DNAH3: variants seen among roughly 807,000 people sequenced by gnomAD.
The protein encoded by DNAH3 is axonemal beta dynein heavy chain 3.
In DNAH3, 332 loss-of-function variants were observed where a neutral mutation model predicts 432.5. That is an observed-to-expected ratio of 0.77 (90% CI 0.70 to 0.84). The LOEUF is 0.84. DNAH3 is among the 40% of genes least tolerant of loss of function. DNAH3 has a pLI of 0.00. For missense variants in DNAH3, 4,861 were observed against 5,114.0 expected, an observed-to-expected ratio of 0.95 and a Z score of 1.51; for synonymous variants, 1,956 against 1,900.2, an observed-to-expected ratio of 1.03 and a Z score of -0.76.
At chr16:21,109,122 CAAA>C (rs201303338) in intron 14 of DNAH3, among the ~76,000 whole-genome samples, 9 of 62,346 alleles carry the variant, frequency 1.4e-4, no homozygotes, top group Non-Finnish European at 1.4e-4. Context: ...GACTCTGTCT[CAAA>C]AAAAAAAAAA....
intron 1 of DNAH3, among the ~76,000 whole-genome samples, chr16:21,153,077 G>A (rs1271289797): frequency 6.6e-6 from 1 of 152,250 alleles, no homozygotes; most frequent in Non-Finnish European, 1.5e-5. Flanking sequence ...TGATGGGGAC[G>A]TGGAGAACCT....
chr16:20,965,180 C>T (rs1046359535), exon 53 of DNAH3: 5 of 1,614,058 alleles, frequency 3.1e-6, no homozygotes, highest in Non-Finnish European at 4.2e-6. Flanking sequence ...CGTTTGGGAG[C>T]CACCACCTTG....
chr16:21,020,441 C>T (rs1342759953), intron 40 of DNAH3, among the ~76,000 whole-genome samples: 11 of 109,932 alleles, frequency 1.0e-4, no homozygotes, highest in East Asian at 2.9e-4. Flanking sequence ...CTAGCTCTGT[C>T]GCCCATGCTG....
At chr16:21,016,846 G>GT (rs1338119428) in intron 41 of DNAH3, among the ~76,000 whole-genome samples, 1 of 152,150 alleles carries the variant, frequency 6.6e-6, no homozygotes, top group Non-Finnish European at 1.5e-5. Flanking sequence ...ATTCTGACAC[G>GT]TGCTACAACA....
At position 20,979,550 on chromosome 16, in the gene DNAH3, C is replaced by A; in HGVS notation, c.7860-4G>T. The A allele has an allele frequency of 6.2e-7, 1 of 1,613,918 alleles. No homozygotes were observed. Among genetic ancestry groups the A allele is most frequent in the Non-Finnish European group, 8.5e-7 (1 of 1,179,942 alleles). The stretch of plus-strand genomic sequence containing the variant: ...ATATTTGCACATGGACACGACCCTG[C>A]CGAGGACACCAAGGCGGTTAGGCAG... On this transcript the variant is annotated splice_region_variant and splice_polypyrimidine_tract_variant and intron_variant, in intron 49 of 61. Coordinates refer to ENST00000261383, the Ensembl canonical transcript of DNAH3.
At chr16:21,127,937 A>T in intron 7 of DNAH3, 125 bp from the exon 9 acceptor site, 1 of 1,179,360 alleles carries the variant, frequency 8.5e-7, no homozygotes, top group South Asian at 1.4e-5. Context: ...AATGAATTAC[A>T]GGATATGGGA....
At chr16:21,024,600 T>A in exon 39 of DNAH3, 1 of 1,605,784 alleles carries the variant, frequency 6.2e-7, no homozygotes, top group Non-Finnish European at 8.5e-7. Flanking sequence ...GCTCACCAAT[T>A]CTTTGTGCTC....
chr16:21,019,884 A>G lies in DNAH3; in HGVS notation c.5777-15T>C, dbSNP rs2088069423. 1.2e-6 allele frequency: 2 copies of G among 1,613,062 alleles called. No individual in the cohort carries two copies. The highest frequency in any genetic ancestry group is 4.5e-5 in the East Asian group (2 of 44,876). Reference sequence around the variant, plus strand: ...CCTGATTTCATCTAAAAGTGAGAAAAGCGAATCTCAGGACAGAGTGCAGAA... The same window carrying G: ...CCTGATTTCATCTAAAAGTGAGAAAGGCGAATCTCAGGACAGAGTGCAGAA... On this transcript the variant is annotated splice_polypyrimidine_tract_variant and intron_variant, in intron 40 of 61. Transcript: ENST00000261383.
At chr16:20,973,632 C>A (rs992430543) in intron 51 of DNAH3, among the ~76,000 whole-genome samples, 1 of 152,196 alleles carries the variant, frequency 6.6e-6, no homozygotes, top group Non-Finnish European at 1.5e-5. Flanking sequence ...GTGAAATATA[C>A]AACATCACAT....
chr16:21,111,903 T>C (rs1406881476), intron 13 of DNAH3, 90 bp downstream of exon 13: 5 of 1,552,582 alleles, frequency 3.2e-6, no homozygotes, highest in Non-Finnish European at 4.4e-6. Context: ...ATGCTGAGCA[T>C]GGTCTATGCA....
rs2092423310 is a variant in DNAH3, at chr16:21,125,240, G to A, written c.1339C>T (p.Leu447=). The A allele has an allele frequency of 1.9e-6, 3 of 1,613,912 alleles. No homozygotes were observed. In the East Asian group the frequency reaches 6.7e-5, roughly 36 times the overall value. ...TTAATGACCAGCTCCCTAAGCTGCA[G>A]CGACATGAATGATGCCACAGAAGCA... The change falls in exon 9 of 62, where the codon CTG becomes TTG. Residue 447 remains leucine (L), a synonymous_variant. Coordinates refer to ENST00000261383, the Ensembl canonical transcript of DNAH3.
chr16:21,114,007 T>C (rs1052513260), intron 12 of DNAH3, among the ~76,000 whole-genome samples: 9 of 152,342 alleles, frequency 5.9e-5, no homozygotes, highest in African/African-American at 1.9e-4. Context: ...TATGTATTTA[T>C]GATAAAGTTT....
At chr16:21,040,358 A>ATCTTTATTTTTT (rs771791969) in intron 32 of DNAH3, among the ~76,000 whole-genome samples, 1 of 79,712 alleles carries the variant, frequency 1.3e-5, no homozygotes. Flanking sequence ...AGCCAGACAG[A>ATCTTTATTTTTT]TTTTTTTTTT....
At chr16:21,092,750 A>T (rs1417367013) in intron 18 of DNAH3, among the ~76,000 whole-genome samples, 2 of 151,266 alleles carry the variant, frequency 1.3e-5, no homozygotes, top group Non-Finnish European at 2.9e-5. Flanking sequence ...TATTATCTAA[A>T]TATACAAAGA....
intron 7 of DNAH3, among the ~76,000 whole-genome samples, chr16:21,130,268 C>T (rs958512798): frequency 7.4e-5 from 11 of 149,504 alleles, no homozygotes; most frequent in Non-Finnish European, 1.5e-4. Flanking sequence ...TAAGGAAGAG[C>T]GGAAACTAAT....
At chr16:21,013,719 C>CAAAAAA (rs557641711) in intron 41 of DNAH3, among the ~76,000 whole-genome samples, 4 of 47,346 alleles carry the variant, frequency 8.4e-5, no homozygotes, top group South Asian at 7.5e-4. Flanking sequence ...AACTCCATCT[C>CAAAAAA]AAAAAAAAAA....
chr16:20,974,246 C>T (rs1364182831), intron 51 of DNAH3, among the ~76,000 whole-genome samples: 1 of 151,948 alleles, frequency 6.6e-6, no homozygotes, highest in Admixed American at 6.6e-5. Context: ...TGGTCTTGAA[C>T]TTGGCTGGTC....
At chr16:20,987,802 G>C (rs202097294) in exon 46 of DNAH3, 111 of 1,614,002 alleles carry the variant, frequency 6.9e-5, no homozygotes, top group Non-Finnish European at 9.0e-5. Flanking sequence ...GTTCTCCACT[G>C]CATCTCTATA....
chr16:21,016,467 C>T (rs984460736), intron 41 of DNAH3, among the ~76,000 whole-genome samples: 1 of 151,964 alleles, frequency 6.6e-6, no homozygotes, highest in South Asian at 2.1e-4. Context: ...GAACTTCATA[C>T]CCACCACAAT....
Sources: gnomAD v4.1 joint callset for allele counts (sites outside exome capture counted in the v4.1 genomes callset) on GRCh38, gnomAD v4.1.1 for gene constraint, MANE v1.5 for transcripts, NCBI Gene and HGNC (gene_info 2026-07-23, HGNC 2026-07-21) for gene names.